KIT: variants seen among roughly 807,000 people sequenced by gnomAD.
KIT encodes the protein KIT proto-oncogene, receptor tyrosine kinase.
A neutral mutation model predicts 105.7 loss-of-function variants in KIT; 16 were observed. The observed-to-expected ratio is 0.15, with a 90% confidence interval of 0.10 to 0.23. The LOEUF (loss-of-function observed/expected upper bound fraction) is 0.23. Among genes scored for constraint, KIT ranks in the 10% least tolerant of loss-of-function variants. The probability of loss-of-function intolerance (pLI) is 1.00; values close to 1 mark genes in which losing one functional copy is unlikely to be tolerated. For synonymous variants in KIT, 438 were observed against 441.1 expected (o/e 0.99, Z 0.09); for missense variants, 858 against 1,213.8 (o/e 0.71, Z 4.36).
intron 1 of KIT, among the ~76,000 whole-genome samples, chr4:54,692,798 T>C (rs1275635772): frequency 6.6e-6 from 1 of 152,236 alleles, no homozygotes; most frequent in East Asian, 1.9e-4. Context: ...GTAGCCTTTA[T>C]GACGTTGTTG....
chr4:54,726,865 T>C (rs1722253531), intron 9 of KIT, among the ~76,000 whole-genome samples: 1 of 151,746 alleles, frequency 6.6e-6, no homozygotes, highest in Admixed American at 6.6e-5. Context: ...GAAGAAAATA[T>C]AAACCGTCCA....
intron 1 of KIT, among the ~76,000 whole-genome samples, chr4:54,684,852 C>T (rs1322074707): frequency 6.6e-6 from 1 of 152,214 alleles, no homozygotes; most frequent in African/African-American, 2.4e-5. Context: ...GCTGGGATTG[C>T]TAATGAGTGT....
At chr4:54,668,327 A>C (rs1235625405) in intron 1 of KIT, among the ~76,000 whole-genome samples, 1 of 152,182 alleles carries the variant, frequency 6.6e-6, no homozygotes, top group Non-Finnish European at 1.5e-5. Flanking sequence ...ATTCTTGACC[A>C]AGTAGAAAAA....
intron 1 of KIT, among the ~76,000 whole-genome samples, chr4:54,670,428 A>G (rs990263585): frequency 5.9e-5 from 9 of 152,168 alleles, no homozygotes; most frequent in African/African-American, 2.2e-4. Flanking sequence ...GGCCATTTCA[A>G]CCAGGCTTTG....
chr4:54,734,342 T>C (rs911792417), intron 17 of KIT, among the ~76,000 whole-genome samples: 2 of 152,244 alleles, frequency 1.3e-5, no homozygotes, highest in African/African-American at 4.8e-5. Flanking sequence ...TCTGAATCTT[T>C]GTTTTTCTCC....
At chr4:54,704,156 A>G (rs577696077) in intron 5 of KIT, among the ~76,000 whole-genome samples, 2 of 152,340 alleles carry the variant, frequency 1.3e-5, no homozygotes, top group Admixed American at 1.3e-4. Flanking sequence ...TTCCCCACCA[A>G]ACAAAACATA....
chr4:54,684,072 G>A (rs563775976), intron 1 of KIT, among the ~76,000 whole-genome samples: 3 of 152,158 alleles, frequency 2.0e-5, no homozygotes, highest in Non-Finnish European at 4.4e-5. Context: ...AAACTGAAGG[G>A]CTGACTTGGC....
At chr4:54,701,480 G>A (rs570848169) in intron 4 of KIT, among the ~76,000 whole-genome samples, 2 of 152,280 alleles carry the variant, frequency 1.3e-5, no homozygotes, top group East Asian at 1.9e-4. Context: ...TTGTTTAAGC[G>A]CAAGGGAGTC....
chr4:54,679,523 CTGTT>C (rs1224407678), intron 1 of KIT, among the ~76,000 whole-genome samples: 2 of 152,074 alleles, frequency 1.3e-5, no homozygotes, highest in Non-Finnish European at 2.9e-5. Context: ...AATGTCCTGT[CTGTT>C]CAGTGTGGGA....
At chr4:54,729,106 A>G (rs762257331) in intron 13 of KIT, among the ~76,000 whole-genome samples, 26 of 152,162 alleles carry the variant, frequency 1.7e-4, no homozygotes, top group Admixed American at 7.2e-4. Context: ...CCAAATACTA[A>G]TGTCACTTAG....
In KIT at chr4:54,716,598, C is replaced by T. The variant is rs1019335148; in HGVS notation, c.1232-6986C>T. ...TGCACAACAAAAGCATTGTGAATAT[C>T]TTTCTATAACATCATTTTGGCATCT... On this transcript the variant is annotated intron_variant, in intron 7 of 20. Coordinates refer to ENST00000288135, the MANE Select transcript of KIT (RefSeq NM_000222.3). 5.3e-5 allele frequency among the ~76,000 whole-genome samples: 8 copies of T among 152,038 alleles called. No homozygotes were observed. In the East Asian group the frequency reaches 5.8e-4, roughly 11 times the overall value.
intron 1 of KIT, among the ~76,000 whole-genome samples, chr4:54,688,830 C>A (rs1560388535): frequency 1.3e-5 from 2 of 152,160 alleles, no homozygotes; most frequent in African/African-American, 4.8e-5. Context: ...AGGCTCTGCC[C>A]CAGTCACAGT....
chr4:54,662,973 AC>A (rs572980283), intron 1 of KIT, among the ~76,000 whole-genome samples: 44 of 151,142 alleles, frequency 2.9e-4, no homozygotes, highest in African/African-American at 1.1e-3. Context: ...TAGATCTTGA[AC>A]TTTTTTTTTC....
chr4:54,666,188 T>C (rs1222434607), intron 1 of KIT, among the ~76,000 whole-genome samples: 2 of 152,202 alleles, frequency 1.3e-5, no homozygotes, highest in African/African-American at 4.8e-5. Flanking sequence ...TCAAATATTT[T>C]TAGTGTGTGA....
chr4:54,703,970 A>C, intron 5 of KIT, 78 bp downstream of exon 5: 1 of 1,123,712 alleles, frequency 8.9e-7, no homozygotes, highest in Non-Finnish European at 1.4e-6. Flanking sequence ...TTTTTTATGT[A>C]AATGGAATGT....
chr4:54,724,183 C>T (rs1372771766), intron 8 of KIT, among the ~76,000 whole-genome samples: 1 of 152,180 alleles, frequency 6.6e-6, no homozygotes, highest in African/African-American at 2.4e-5. Context: ...TGCCCAGCCC[C>T]TGAACAGAGA....
intron 1 of KIT, among the ~76,000 whole-genome samples, chr4:54,667,525 G>A (rs987720807): frequency 6.6e-6 from 1 of 152,172 alleles, no homozygotes; most frequent in African/African-American, 2.4e-5. Flanking sequence ...CAATTGAAAG[G>A]AAGATAGGGG....
rs60981528 is a variant in KIT, at chr4:54,692,727, G to A, written c.68-2785G>A. ...CTCTGAAAATAATCCTGGCCACTGC[G>A]TGCCCATATTCTTGCTGCCACATTT... On this transcript the variant is annotated intron_variant, in intron 1 of 20. Transcript: ENST00000288135. Among the ~76,000 whole-genome samples, 410 of 152,184 alleles carry A rather than the reference G, an allele frequency of 2.7e-3. 4 individuals are homozygous for A. Among genetic ancestry groups the A allele is most frequent in the African/African-American group, 9.2e-3 (380 of 41,516 alleles).
intron 7 of KIT, among the ~76,000 whole-genome samples, chr4:54,721,659 G>A (rs1244912954): frequency 6.6e-6 from 1 of 152,174 alleles, no homozygotes; most frequent in Non-Finnish European, 1.5e-5. Context: ...CCAGGGAGGT[G>A]CCTCCAGGGA....
Sources: gnomAD v4.1 joint callset for allele counts (sites outside exome capture counted in the v4.1 genomes callset) on GRCh38, gnomAD v4.1.1 for gene constraint, MANE v1.5 for transcripts, NCBI Gene and HGNC (gene_info 2026-07-23, HGNC 2026-07-21) for gene names.